Variants in CCDC66 observed in about 807,000 individuals in gnomAD.
CCDC66 encodes coiled-coil domain containing 66, also known as coiled-coil domain-containing protein 66.
In CCDC66, 133 loss-of-function variants were observed where a neutral mutation model predicts 128.3. That is an observed-to-expected ratio of 1.04 (90% CI 0.90 to 1.20). The LOEUF (loss-of-function observed/expected upper bound fraction) is 1.20, where lower values mean the gene tolerates loss of function less well. Ranked by LOEUF, CCDC66 falls within the 50% of genes most tolerant of loss-of-function variation. CCDC66 has a pLI of 0.00. For missense variants in CCDC66, 1,126 were observed against 1,075.5 expected, an observed-to-expected ratio of 1.05 and a Z score of -0.66; for synonymous variants, 387 against 357.0, an observed-to-expected ratio of 1.08 and a Z score of -0.95.
intron 7 of CCDC66, among the ~76,000 whole-genome samples, chr3:56,585,063 G>A (rs377220893): frequency 6.7e-6 from 1 of 150,054 alleles, no homozygotes; most frequent in Non-Finnish European, 1.5e-5. Flanking sequence ...CTTCGGCTCG[G>A]CATCAGAGGG....
intron 16 of CCDC66, 21 bp from the exon 17 acceptor site, chr3:56,619,756 G>T (rs747029684): frequency 2.5e-6 from 4 of 1,612,196 alleles, no homozygotes; most frequent in Middle Eastern, 1.7e-4. Flanking sequence ...TGACTGACTT[G>T]TTACTTTCAT....
chr3:56,601,403 G>A (rs282541), intron 10 of CCDC66, among the ~76,000 whole-genome samples: 58,186 of 151,928 alleles, frequency 0.38, 13,790 homozygotes, highest in Non-Finnish European at 0.54. Flanking sequence ...AAGTGAGACA[G>A]CATGATGCCT....
Position 56,592,885 on chromosome 3 carries a change from T to TA in CCDC66, c.937-84dup, listed in dbSNP as rs374217974. The TA allele has an allele frequency of 5.1e-4, 726 of 1,413,442 alleles. 11 individuals are homozygous for TA. In the African/African-American group the frequency reaches 9.7e-3, roughly 19 times the overall value. The allele number at this position is 1,413,442 out of a possible 1,614,324, so 87.6% of individuals were successfully genotyped here. ...TAAATGCCTCAGTGGATTAAATCTGTATGTTACTTTGGCAAGATTTGCACA... is the reference window on the plus strand; with the variant it reads ...TAAATGCCTCAGTGGATTAAATCTGTAATGTTACTTTGGCAAGATTTGCACA... On this transcript the variant is annotated intron_variant, in intron 7 of 17. Transcript: ENST00000394672.
chr3:56,597,339 T>C (rs2072174471), intron 10 of CCDC66, among the ~76,000 whole-genome samples: 1 of 152,084 alleles, frequency 6.6e-6, no homozygotes, highest in Non-Finnish European at 1.5e-5. Flanking sequence ...GTGTGATGCC[T>C]TCAGCTTTGT....
chr3:56,559,362 C>T (rs1296458142), intron 2 of CCDC66, among the ~76,000 whole-genome samples: 3 of 151,246 alleles, frequency 2.0e-5, no homozygotes, highest in Non-Finnish European at 2.9e-5. Flanking sequence ...ATAGTTTTAC[C>T]TTGGAAAGAT....
Position 56,564,027 on chromosome 3 carries a change from T to A in CCDC66, c.446T>A (p.Leu149Ter), listed in dbSNP as rs751101219. The change falls in exon 4 of 18, where the codon TTG becomes TAG. Residue 149 changes from leucine to a stop codon, truncating the protein, a stop_gained. Coordinates refer to ENST00000394672, the MANE Select transcript of CCDC66 (RefSeq NM_001141947.3). LOFTEE classifies it high-confidence loss of function. ...HITAENMKSS[L>*]VCLTQDQLQQ... The stretch of plus-strand genomic sequence containing the variant: ...ACAGCTGAAAACATGAAGAGCAGTT[T>A]GGTGTGTCTAACACAAGACCAACTA... 1.2e-6 allele frequency: 2 copies of A among 1,614,052 alleles called. No individual in the cohort carries two copies. Among genetic ancestry groups the A allele is most frequent in the Non-Finnish European group, 1.7e-6 (2 of 1,179,956 alleles).
At position 56,571,295 on chromosome 3, in the gene CCDC66, A is replaced by T; in HGVS notation, c.929A>T (p.Gln310Leu). 1 of 1,512,490 alleles carries T rather than the reference A, an allele frequency of 6.6e-7. No homozygotes were observed. The highest frequency in any genetic ancestry group is 1.4e-5 in the African/African-American group (1 of 70,980). 93.7% of individuals were successfully genotyped at this position (1,512,490 alleles called of 1,614,324 possible). A position where few individuals can be genotyped will look rare whatever the true frequency, so the allele number is the denominator to read the frequency against. ...TGGGAAAAACATCAAATTCTTGACC[A>T]ATCTAGGGTAAGACATCTTAATTGC... ...IIWEKHQILD[Q>L]SRETVLLEHP... The change falls in exon 7 of 18, where the codon CAA becomes CTA. Residue 310 changes from glutamine (Q) to leucine (L), a missense_variant. Coordinates refer to ENST00000394672, the MANE Select transcript of CCDC66 (RefSeq NM_001141947.3).
chr3:56,574,074 G>A (rs779279711), intron 7 of CCDC66, among the ~76,000 whole-genome samples: 2 of 151,604 alleles, frequency 1.3e-5, no homozygotes. Flanking sequence ...CTATTTAAAT[G>A]CAGTTTTCGC....
chr3:56,557,344 C>G, intron 1 of CCDC66, 91 bp downstream of exon 1: 2 of 1,488,720 alleles, frequency 1.3e-6, no homozygotes, highest in Non-Finnish European at 1.8e-6. Flanking sequence ...CCCTTGGAGT[C>G]TTTACTGGAG....
At chr3:56,576,683 T>A (rs1489086190) in intron 7 of CCDC66, among the ~76,000 whole-genome samples, 1 of 151,428 alleles carries the variant, frequency 6.6e-6, no homozygotes, top group Non-Finnish European at 1.5e-5. Flanking sequence ...TGCAATAGTT[T>A]GCTTAGAATG....
At chr3:56,568,098 C>T (rs1374663073) in intron 6 of CCDC66, among the ~76,000 whole-genome samples, 7 of 152,114 alleles carry the variant, frequency 4.6e-5, no homozygotes, top group Non-Finnish European at 1.0e-4. Context: ...GTTAATTTAT[C>T]CTAGATCTGG....
chr3:56,615,935 A>G lies in CCDC66; in HGVS notation c.1725A>G (p.Gln575=), dbSNP rs747349764. Residue 575 remains glutamine, a synonymous_variant, in exon 13 of 18, where the codon CAA becomes CAG. Coordinates refer to ENST00000394672, the MANE Select transcript of CCDC66 (RefSeq NM_001141947.3). ...LIKNLGVDTI[Q]MEYNASNISN... ...TCTCTTTGCCAGTTGATACAATACAAATGGAATATAATGCATCTAACATTT... is the reference window on the plus strand; with the variant it reads ...TCTCTTTGCCAGTTGATACAATACAGATGGAATATAATGCATCTAACATTT... 3.1e-6 allele frequency: 5 copies of G among 1,595,178 alleles called. No individual in the cohort carries two copies. In the East Asian group the frequency reaches 1.1e-4, roughly 37 times the overall value.
intron 7 of CCDC66, among the ~76,000 whole-genome samples, chr3:56,575,823 G>A (rs1460764517): frequency 6.6e-6 from 1 of 151,740 alleles, no homozygotes; most frequent in East Asian, 2.0e-4. Flanking sequence ...TAGCACCATT[G>A]TTGAAGAATG....
intron 10 of CCDC66, among the ~76,000 whole-genome samples, chr3:56,596,891 A>C (rs981953991): frequency 6.8e-6 from 1 of 146,376 alleles, no homozygotes; most frequent in Non-Finnish European, 1.5e-5. Context: ...AGTAGCTGGG[A>C]TTACGGGTGC....
rs148949812 is a variant in CCDC66 at position 56,566,662 on chromosome 3, A to C, written c.613A>C (p.Lys205Gln). 9.9e-6 allele frequency: 16 copies of C among 1,608,628 alleles called. No homozygotes were observed. The African/African-American group carries it at 1.9e-4, about 19-fold the overall frequency. The change falls in exon 5 of 18, where the codon AAA (lysine) becomes CAA (glutamine). Residue 205 changes from lysine to glutamine, a missense_variant. Lys to Gln is a moderately conservative substitution (Grantham distance 53). Transcript: ENST00000394672. The stretch of plus-strand genomic sequence containing the variant: ...GGATGAGAACATTATGGGATTATTC[A>C]AAAAAACTGAAATGGTTTCATCTGT... ...PKDENIMGLFKKTEMVSSVPA... is the reference protein window; with the variant it reads ...PKDENIMGLFQKTEMVSSVPA...
chr3:56,616,894 A>G (rs954327041), intron 13 of CCDC66: 19 of 422,800 alleles, frequency 4.5e-5, no homozygotes, highest in African/African-American at 3.9e-4. Flanking sequence ...GCATCTTTTC[A>G]TGATTATCAG....
intron 7 of CCDC66, among the ~76,000 whole-genome samples, chr3:56,586,454 C>T (rs1453212797): frequency 1.3e-5 from 2 of 151,192 alleles, no homozygotes; most frequent in Non-Finnish European, 2.9e-5. Context: ...TGGCTTGAAC[C>T]TGGGAGGCAA....
At chr3:56,563,134 G>T (rs2065324833) in intron 3 of CCDC66, among the ~76,000 whole-genome samples, 1 of 151,832 alleles carries the variant, frequency 6.6e-6, no homozygotes, top group Non-Finnish European at 1.5e-5. Context: ...GCCAAGGCAG[G>T]TGGATCACCT....
chr3:56,607,095 T>C (rs1303809555), intron 10 of CCDC66, among the ~76,000 whole-genome samples: 1 of 152,206 alleles, frequency 6.6e-6, no homozygotes, highest in Non-Finnish European at 1.5e-5. Context: ...AGATTTGTTC[T>C]TTTTGCTTAG....
Sources: gnomAD v4.1 joint callset for allele counts (sites outside exome capture counted in the v4.1 genomes callset) on GRCh38, gnomAD v4.1.1 for gene constraint, MANE v1.5 for transcripts, NCBI Gene and HGNC (gene_info 2026-07-23, HGNC 2026-07-21) for gene names.